The following SNX31 variants were observed in gnomAD, a reference collection of about 807,000 sequenced individuals.
SNX31 encodes sorting nexin 31.
A neutral mutation model predicts 65.4 loss-of-function variants in SNX31; 58 were observed. That is an observed-to-expected ratio of 0.89 (90% CI 0.72 to 1.10). The LOEUF is 1.10. SNX31 is among the 50% of genes least tolerant of loss of function. The pLI is 0.00. For missense variants in SNX31, 523 were observed against 529.7 expected (o/e 0.99, Z 0.12); for synonymous variants, 181 against 190.1 (o/e 0.95, Z 0.39).
At chr8:100,641,935 C>A (rs561248603) in intron 2 of SNX31, among the ~76,000 whole-genome samples, 1 of 151,464 alleles carries the variant, frequency 6.6e-6, no homozygotes, top group South Asian at 2.1e-4. Context: ...AAAAATTAGC[C>A]GGGCTTGGTG....
chr8:100,627,837 A>G (rs2093486303), intron 4 of SNX31, among the ~76,000 whole-genome samples: 1 of 152,190 alleles, frequency 6.6e-6, no homozygotes, highest in South Asian at 2.1e-4. Flanking sequence ...GCACCCGGGC[A>G]TTAAAAAGCA....
chr8:100,580,124 T>C (rs979714049), intron 12 of SNX31, among the ~76,000 whole-genome samples: 14 of 144,772 alleles, frequency 9.7e-5, no homozygotes, highest in Admixed American at 9.4e-4. Context: ...ATTGCACCAC[T>C]GCACTCCAGC....
intron 9 of SNX31, 73 bp from the exon 10 acceptor site, chr8:100,596,915 C>A (rs764804580): frequency 3.1e-6 from 4 of 1,299,084 alleles, no homozygotes; most frequent in Admixed American, 3.4e-5. Context: ...CAGATGAAAA[C>A]CTCATGTCAG....
At chr8:100,628,123 C>A (rs1200493703) in intron 4 of SNX31, among the ~76,000 whole-genome samples, 2 of 152,294 alleles carry the variant, frequency 1.3e-5, no homozygotes, top group South Asian at 2.1e-4. Context: ...AAAATAGGAA[C>A]ACTTTTACAC....
Position 100,578,351 on chromosome 8 carries a change from C to T in SNX31, c.1171-1276G>A, listed in dbSNP as rs768090801. 2.6e-5 allele frequency among the ~76,000 whole-genome samples: 4 copies of T among 152,190 alleles called. No homozygotes were observed. The highest frequency in any genetic ancestry group is 9.6e-5 in the African/African-American group (4 of 41,462). On this transcript the variant is annotated intron_variant, in intron 12 of 13. Coordinates refer to ENST00000311812, the MANE Select transcript of SNX31 (RefSeq NM_152628.4). This position sits in a 1 kb window ranked among gnomAD's most constrained non-coding sequence, Gnocchi z 4.7. ...TATTTATTTACCCTACAATTGTCAACGTCTCTGTATTAATCGCCTTTCTCC... is the reference window on the plus strand; with the variant it reads ...TATTTATTTACCCTACAATTGTCAATGTCTCTGTATTAATCGCCTTTCTCC...
Position 100,596,708 on chromosome 8 carries a change from C to T in SNX31, c.909G>A (p.Leu303=). ...CGATGTCCTGGGTCTGGCTGTCAGG[C>T]AGGGTGATGCAGCAGCTGATCTCAT... The part of the protein sequence containing the change: ...GNNEISCCIT[L]PDSQTQDIVF... The change falls in exon 10 of 14, where the codon CTG becomes CTA. Residue 303 remains leucine, a synonymous_variant. Transcript: ENST00000311812. 1.2e-6 allele frequency: 2 copies of T among 1,614,126 alleles called. No individual in the cohort carries two copies. The highest frequency in any genetic ancestry group is 1.7e-6 in the Non-Finnish European group (2 of 1,180,020).
intron 1 of SNX31, among the ~76,000 whole-genome samples, chr8:100,661,696 T>C (rs1238944552): frequency 4.2e-5 from 2 of 47,662 alleles, no homozygotes; most frequent in African/African-American, 2.3e-4. Context: ...CACGGCCAGT[T>C]TTTTTTTTTA....
At chr8:100,640,135 C>CT (rs369971571) in intron 2 of SNX31, among the ~76,000 whole-genome samples, 11 of 151,978 alleles carry the variant, frequency 7.2e-5, no homozygotes, top group Non-Finnish European at 1.3e-4. Flanking sequence ...CTTTTCTTTT[C>CT]TTTTTTTTGG....
At chr8:100,580,147 G>C in intron 12 of SNX31, among the ~76,000 whole-genome samples, 1 of 133,114 alleles carries the variant, frequency 7.5e-6, no homozygotes, top group East Asian at 2.1e-4. Flanking sequence ...GGGAGACAGA[G>C]CCTGTCTTTA....
At chr8:100,635,838 G>T in intron 3 of SNX31, 59 bp downstream of exon 3, 1 of 1,126,136 alleles carries the variant, frequency 8.9e-7, no homozygotes, top group Non-Finnish European at 1.3e-6. Flanking sequence ...GGTGAATTTT[G>T]TGGCATATAG....
At chr8:100,655,956 T>C (rs920078827) in intron 1 of SNX31, among the ~76,000 whole-genome samples, 13 of 152,210 alleles carry the variant, frequency 8.5e-5, no homozygotes, top group South Asian at 2.1e-4. Flanking sequence ...AGAGAAAAGA[T>C]GGTAGAACAT....
chr8:100,596,851 A>G lies in SNX31; in HGVS notation c.775-9T>C, dbSNP rs1815140663. Reference sequence around the variant, plus strand: ...CGGGCCAGCTCCAAAAACTGCTCCAAAGAGGGTGATGTGGGGGGAGGGGAG... The same window carrying G: ...CGGGCCAGCTCCAAAAACTGCTCCAGAGAGGGTGATGTGGGGGGAGGGGAG... On this transcript the variant is annotated splice_polypyrimidine_tract_variant and intron_variant, in intron 9 of 13. Coordinates refer to ENST00000311812, the MANE Select transcript of SNX31 (RefSeq NM_152628.4). The G allele has an allele frequency of 2.5e-6, 4 of 1,613,092 alleles. No individual in the cohort carries two copies. Among genetic ancestry groups the G allele is most frequent in the Admixed American group, 3.3e-5 (2 of 59,996 alleles).
rs1199472451 is a variant in SNX31, at chr8:100,610,661, A to G, written c.611+1339T>C. On this transcript the variant is annotated intron_variant, in intron 7 of 13. Coordinates refer to ENST00000311812, the MANE Select transcript of SNX31 (RefSeq NM_152628.4). The surrounding 1 kb of genome is among the most constrained non-coding windows in gnomAD (Gnocchi z 4.0). ...ATTCACTACAGCAAGCAGCTTCCAG[A>G]ACAGCTGTTCTCTAAACCATTGGAT... 6.6e-6 allele frequency among the ~76,000 whole-genome samples: 1 copy of G among 152,170 alleles called. No individual in the cohort carries two copies. The highest frequency in any genetic ancestry group is 1.5e-5 in the Non-Finnish European group (1 of 68,020).
intron 2 of SNX31, among the ~76,000 whole-genome samples, chr8:100,646,077 T>G (rs952335503): frequency 6.6e-6 from 1 of 152,084 alleles, no homozygotes; most frequent in African/African-American, 2.4e-5. Context: ...AAAAAGACTA[T>G]CGGGGCCAAG....
chr8:100,661,876 G>A (rs1809794067), intron 1 of SNX31, among the ~76,000 whole-genome samples: 1 of 152,124 alleles, frequency 6.6e-6, no homozygotes, highest in Non-Finnish European at 1.5e-5. Flanking sequence ...CCAGGCTGGA[G>A]TGCAGTGGCA....
In SNX31 at chr8:100,608,491, C is replaced by A. The variant is rs754383772; in HGVS notation, c.681+3G>T. On this transcript the variant is annotated splice_donor_region_variant and intron_variant, in intron 8 of 13. Coordinates refer to ENST00000311812, the MANE Select transcript of SNX31 (RefSeq NM_152628.4). The stretch of plus-strand genomic sequence containing the variant: ...TGCTGTCTGAGCTCTTGGTGACCCT[C>A]ACCTGCATGTAGAGCAAATCTACCG... 6.2e-7 allele frequency: 1 copy of A among 1,614,060 alleles called. No individual in the cohort carries two copies. The highest frequency in any genetic ancestry group is 1.1e-5 in the South Asian group (1 of 91,084).
intron 2 of SNX31, among the ~76,000 whole-genome samples, chr8:100,642,831 G>T (rs1288447165): frequency 1.3e-5 from 2 of 152,164 alleles, no homozygotes; most frequent in African/African-American, 4.8e-5. Flanking sequence ...TTATTATGTG[G>T]TGTTTTTGTT....
intron 4 of SNX31, chr8:100,618,436 T>G: frequency 1.2e-6 from 1 of 854,760 alleles, no homozygotes; most frequent in Non-Finnish European, 1.9e-6. Flanking sequence ...TAGCAACCAA[T>G]TCTCCAGTTC....
rs890552276 is a variant in SNX31 at position 100,604,528 on chromosome 8, T to C, written c.681+3966A>G. On this transcript the variant is annotated intron_variant, in intron 8 of 13. Transcript: ENST00000311812. This position sits in a 1 kb window ranked among gnomAD's most constrained non-coding sequence, Gnocchi z 4.3. ...AAGCCAAAGGTCAGCCCCCCTCCAC[T>C]CACCAAGCCATGGGCCCCGATGCAG... Among the ~76,000 whole-genome samples, 33 of 152,248 alleles carry C rather than the reference T, an allele frequency of 2.2e-4. No homozygotes were observed. The East Asian group carries it at 5.8e-3, about 27-fold the overall frequency.
Sources: gnomAD v4.1 joint callset for allele counts (sites outside exome capture counted in the v4.1 genomes callset) on GRCh38, gnomAD v4.1.1 for gene constraint, Gnocchi (gnomAD v3.1) non-coding constraint, MANE v1.5 for transcripts, NCBI Gene and HGNC (gene_info 2026-07-23, HGNC 2026-07-21) for gene names.